The following SLC25A42 variants were observed in gnomAD, a reference collection of about 807,000 sequenced individuals.
The protein encoded by SLC25A42 is mitochondrial coenzyme A transporter SLC25A42.
In SLC25A42, 19 loss-of-function variants were observed where a neutral mutation model predicts 34.7. That is an observed-to-expected ratio of 0.55 (90% CI 0.38 to 0.80). The LOEUF (loss-of-function observed/expected upper bound fraction) is 0.80. Ranked by LOEUF, SLC25A42 falls within the 30% of genes least tolerant of loss-of-function variation. The pLI, the probability that SLC25A42 is intolerant of heterozygous loss-of-function variation, is 0.00. For missense variants in SLC25A42, 364 were observed against 441.3 expected, an observed-to-expected ratio of 0.82 and a Z score of 1.57; for synonymous variants, 205 against 191.2, an observed-to-expected ratio of 1.07 and a Z score of -0.59.
In SLC25A42 at chr19:19,112,015, G is replaced by A. The variant is rs1309251016; in HGVS notation, c.*1139G>A. Reference sequence around the variant, plus strand: ...ACTGGTCTCTCAGAGGAGTCCCCCAGGGCCCGCCAGCTATCACAGGGACTC... The same window carrying A: ...ACTGGTCTCTCAGAGGAGTCCCCCAAGGCCCGCCAGCTATCACAGGGACTC... On this transcript the variant is annotated 3_prime_UTR_variant, in exon 8 of 8. Transcript: ENST00000318596. This position sits in a 1 kb window ranked among gnomAD's most constrained non-coding sequence, Gnocchi z 4.3. 2 of 152,192 alleles carry A rather than the reference G, an allele frequency of 1.3e-5. No individual in the cohort carries two copies. Among genetic ancestry groups the A allele is most frequent in the African/African-American group, 4.8e-5 (2 of 41,448 alleles). The allele number at this position is 152,192 out of a possible 1,614,324, so 9.4% of individuals were successfully genotyped here. A position where few individuals can be genotyped will look rare whatever the true frequency, so the allele number is the denominator to read the frequency against.
chr19:19,105,652 C>T lies in SLC25A42; in HGVS notation c.305C>T (p.Pro102Leu). Residue 102 changes from proline to leucine, a missense_variant, in exon 5 of 8, where the codon CCC (proline) becomes CTC (leucine). Coordinates refer to ENST00000318596, the MANE Select transcript of SLC25A42 (RefSeq NM_178526.5). ...GNSATMVRVVPYAAIQFSAHE... is the reference protein window; with the variant it reads ...GNSATMVRVVLYAAIQFSAHE... ...TCGGCCACCATGGTGCGCGTGGTGC[C>T]CTACGCCGCCATCCAGTTCAGCGCA... is the stretch of plus-strand genomic sequence containing the variant. The T allele has an allele frequency of 5.0e-6, 8 of 1,613,580 alleles. No individual in the cohort carries two copies. The highest frequency in any genetic ancestry group is 6.8e-6 in the Non-Finnish European group (8 of 1,179,868).
chr19:19,096,903 C>T (rs1037189836), intron 2 of SLC25A42, among the ~76,000 whole-genome samples: 1 of 152,028 alleles, frequency 6.6e-6, no homozygotes, highest in Non-Finnish European at 1.5e-5. Context: ...TGCCACTGCA[C>T]CCCAGCCTGA....
At chr19:19,098,211 T>C (rs185569301) in intron 2 of SLC25A42, among the ~76,000 whole-genome samples, 1 of 152,192 alleles carries the variant, frequency 6.6e-6, no homozygotes, top group Admixed American at 6.5e-5. Context: ...CAGCCTCCAC[T>C]GAGCATGTGA....
At position 19,110,687 on chromosome 19, in the gene SLC25A42, G is replaced by C. The variant is rs2059858841; in HGVS notation, c.768G>C (p.Thr256=). 1.9e-6 allele frequency: 3 copies of C among 1,577,476 alleles called. No individual in the cohort carries two copies. Among genetic ancestry groups the C allele is most frequent in the Non-Finnish European group, 1.7e-6 (2 of 1,162,988 alleles). The change falls in exon 8 of 8, where the codon ACG becomes ACC. Residue 256 remains threonine (T), a synonymous_variant. Coordinates refer to ENST00000318596, the MANE Select transcript of SLC25A42 (RefSeq NM_178526.5). ...ATGTGGTGCGGCGGCGCATGCAGAC[G>C]GCCGGCGTCACGGGCTACCCGCGCG... ...PLDVVRRRMQ[T]AGVTGYPRAS... is the part of the protein sequence containing the mutation.
intron 1 of SLC25A42, among the ~76,000 whole-genome samples, chr19:19,090,831 A>C (rs1276019953): frequency 6.6e-6 from 1 of 152,164 alleles, no homozygotes; most frequent in Non-Finnish European, 1.5e-5. Context: ...TCTGGGGAGA[A>C]GGGAAAAGAA....
chr19:19,089,619 G>A (rs1272679397), intron 1 of SLC25A42, among the ~76,000 whole-genome samples: 1 of 151,804 alleles, frequency 6.6e-6, no homozygotes, highest in African/African-American at 2.4e-5. Context: ...TGTAATCCCA[G>A]CACTTTGGGA....
At chr19:19,067,720 A>AT (rs973234516) in intron 1 of SLC25A42, among the ~76,000 whole-genome samples, 3,135 of 145,358 alleles carry the variant, frequency 0.022, 91 homozygotes, top group African/African-American at 0.07. Context: ...GCTGTTGCTG[A>AT]TTTTTTTTTT....
At chr19:19,090,209 C>G (rs2059730901) in intron 1 of SLC25A42, among the ~76,000 whole-genome samples, 1 of 152,056 alleles carries the variant, frequency 6.6e-6, no homozygotes, top group Non-Finnish European at 1.5e-5. Flanking sequence ...TAGGAGCTCC[C>G]GTGTCAGTTT....
chr19:19,087,437 A>G (rs548889594), intron 1 of SLC25A42, among the ~76,000 whole-genome samples: 1 of 152,186 alleles, frequency 6.6e-6, no homozygotes, highest in East Asian at 1.9e-4. Context: ...ATAGATGCAC[A>G]CCACCACACC....
intron 1 of SLC25A42, among the ~76,000 whole-genome samples, chr19:19,088,246 C>T (rs1043921406): frequency 6.6e-6 from 1 of 150,984 alleles, no homozygotes; most frequent in African/African-American, 2.4e-5. Context: ...CACTCTGTCA[C>T]CCAGGCTGGA....
chr19:19,092,675 G>A (rs958224592), intron 1 of SLC25A42, among the ~76,000 whole-genome samples: 4 of 152,192 alleles, frequency 2.6e-5, no homozygotes, highest in Non-Finnish European at 4.4e-5. Context: ...CCCAGGCCTC[G>A]GGCACCTCAC....
intron 1 of SLC25A42, among the ~76,000 whole-genome samples, chr19:19,094,081 G>C (rs879805716): frequency 6.6e-6 from 1 of 152,220 alleles, no homozygotes; most frequent in Admixed American, 6.5e-5. Flanking sequence ...ATCCCAGCCA[G>C]CGTTGTCCTG....
In SLC25A42 at chr19:19,110,684, GA is replaced by G; in HGVS notation, c.766del (p.Thr256ArgfsTer33). ...PLDVVRRRMQTAGVTGYPRAS... is the reference protein window; with the variant it reads ...PLDVVRRRMQXAGVTGYPRAS... ...TGGATGTGGTGCGGCGGCGCATGCA[GA>G]CGGCCGGCGTCACGGGCTACCCGCG... is the stretch of plus-strand genomic sequence containing the variant. On this transcript the variant is annotated frameshift_variant, in exon 8 of 8. Transcript: ENST00000318596. LOFTEE classifies it high-confidence loss of function. 1 of 1,574,936 alleles carries G rather than the reference GA, an allele frequency of 6.3e-7. No homozygotes were observed.
chr19:19,086,550 A>G (rs1328097654), intron 1 of SLC25A42, among the ~76,000 whole-genome samples: 1 of 152,182 alleles, frequency 6.6e-6, no homozygotes, highest in Admixed American at 6.6e-5. Context: ...GTTTTATTTA[A>G]GGCTAGTCCA....
chr19:19,086,423 T>C (rs1457128858), intron 1 of SLC25A42, among the ~76,000 whole-genome samples: 1 of 151,934 alleles, frequency 6.6e-6, no homozygotes, highest in Admixed American at 6.6e-5. Flanking sequence ...CATGAGCCAC[T>C]GCACCCAGTC....
chr19:19,102,426 G>A (rs2059802879), intron 3 of SLC25A42, among the ~76,000 whole-genome samples: 1 of 151,928 alleles, frequency 6.6e-6, no homozygotes, highest in African/African-American at 2.4e-5. Context: ...GCACTCAATT[G>A]GGTTTTTTTA....
chr19:19,081,071 G>A lies in SLC25A42; in HGVS notation c.-34-15020G>A. The stretch of plus-strand genomic sequence containing the variant: ...AGTTTGAAGTTACAATGAGCTGATT[G>A]TGCCACTACACTCCTACCTGGGTGA... On this transcript the variant is annotated intron_variant, in intron 1 of 7. Transcript: ENST00000318596. This position sits in a 1 kb window ranked among gnomAD's most constrained non-coding sequence, Gnocchi z 4.5. 6.6e-6 allele frequency among the ~76,000 whole-genome samples: 1 copy of A among 151,802 alleles called. No homozygotes were observed. The highest frequency in any genetic ancestry group is 1.9e-4 in the East Asian group (1 of 5,200).
intron 1 of SLC25A42, among the ~76,000 whole-genome samples, chr19:19,070,948 A>G (rs574737488): frequency 6.7e-6 from 1 of 148,272 alleles, no homozygotes; most frequent in South Asian, 2.1e-4. Context: ...AGGCATCCAG[A>G]TGCTCTAAGC....
At chr19:19,106,673 C>A in intron 6 of SLC25A42, 1 of 193,388 alleles carries the variant, frequency 5.2e-6, no homozygotes. Flanking sequence ...TGGCTCACGC[C>A]TGTAATCCCA....
Sources: allele counts gnomAD v4.1 joint callset (sites outside exome capture counted in the v4.1 genomes callset), GRCh38; gene constraint gnomAD v4.1.1; non-coding constraint Gnocchi (gnomAD v3.1); transcripts MANE v1.5; gene names NCBI Gene and HGNC (gene_info 2026-07-23, HGNC 2026-07-21).